GABRA4: variants seen among roughly 807,000 people sequenced by gnomAD.
GABRA4 encodes gamma-aminobutyric acid receptor subunit alpha-4.
A neutral mutation model predicts 49.7 loss-of-function variants in GABRA4; 12 were observed. The observed-to-expected ratio is 0.24, with a 90% CI of 0.15 to 0.39. GABRA4 has a LOEUF of 0.39. GABRA4 is among the 10% of genes least tolerant of loss of function. The pLI is 1.00. For missense variants in GABRA4, 506 were observed against 686.0 expected (o/e 0.74, Z 2.93); for synonymous variants, 288 against 240.2 (o/e 1.20, Z -1.84).
intron 8 of GABRA4, among the ~76,000 whole-genome samples, chr4:46,954,258 G>A (rs1241191939): frequency 6.6e-6 from 1 of 151,970 alleles, no homozygotes; most frequent in African/African-American, 2.4e-5. Context: ...TTGTACTAAA[G>A]TAAGCACTTG....
At position 46,969,109 on chromosome 4, in the gene GABRA4, T is replaced by C. The variant is rs565326547; in HGVS notation, c.874+1974A>G. Among the ~76,000 whole-genome samples, 10 of 151,706 alleles carry C rather than the reference T, an allele frequency of 6.6e-5. No individual in the cohort carries two copies. In the South Asian group the frequency reaches 1.9e-3, roughly 28 times the overall value. On this transcript the variant is annotated intron_variant, in intron 7 of 8. Transcript: ENST00000264318. The stretch of plus-strand genomic sequence containing the variant: ...TGAGGAAGCTGGCAAATGTAACTTA[T>C]TGAAGGTCCACAGCTAATAAGTGAT...
At chr4:46,948,896 T>A (rs7666667) in intron 8 of GABRA4, among the ~76,000 whole-genome samples, 2 of 152,020 alleles carry the variant, frequency 1.3e-5, no homozygotes, top group South Asian at 2.1e-4. Context: ...TTTATCCTAC[T>A]TGCTTCAGCC....
intron 8 of GABRA4, among the ~76,000 whole-genome samples, chr4:46,935,345 AAT>A (rs1721570079): frequency 6.6e-6 from 1 of 152,192 alleles, no homozygotes; most frequent in Non-Finnish European, 1.5e-5. Context: ...CCTCCTAATA[AAT>A]ATATAAGATA....
intron 7 of GABRA4, among the ~76,000 whole-genome samples, chr4:46,967,080 A>C (rs1722789257): frequency 6.6e-6 from 1 of 151,726 alleles, no homozygotes; most frequent in Non-Finnish European, 1.5e-5. Context: ...TTGACAATAG[A>C]TGAAAATGTT....
intron 8 of GABRA4, among the ~76,000 whole-genome samples, chr4:46,934,064 A>G (rs1245108523): frequency 1.3e-5 from 2 of 152,182 alleles, no homozygotes; most frequent in Non-Finnish European, 2.9e-5. Flanking sequence ...TAAAGTGACT[A>G]AGATTAGGTC....
chr4:46,978,724 GAAAGA>G (rs1723241304), intron 3 of GABRA4, among the ~76,000 whole-genome samples: 1 of 102,472 alleles, frequency 9.8e-6, no homozygotes, highest in Non-Finnish European at 2.1e-5. Flanking sequence ...GAAAAAGAAA[GAAAGA>G]AAAGAAAAGT....
intron 2 of GABRA4, among the ~76,000 whole-genome samples, chr4:46,986,362 C>T (rs1002146569): frequency 6.6e-6 from 1 of 152,008 alleles, no homozygotes; most frequent in African/African-American, 2.4e-5. Context: ...ATTTTAAGTT[C>T]TTATCTTACT....
chr4:46,974,164 A>C (rs1577784816), intron 6 of GABRA4, 68 bp downstream of exon 6: 13 of 1,488,400 alleles, frequency 8.7e-6, no homozygotes, highest in Non-Finnish European at 1.2e-5. Context: ...ATTTCAATGA[A>C]AAAGTCAGGA....
intron 2 of GABRA4, among the ~76,000 whole-genome samples, chr4:46,985,663 A>T (rs1723507486): frequency 1.3e-5 from 2 of 152,172 alleles, no homozygotes; most frequent in South Asian, 4.1e-4. Context: ...ATATCCACCA[A>T]TTTTCTAATA....
intron 7 of GABRA4, 25 bp downstream of exon 7, chr4:46,971,058 C>T (rs769554035): frequency 1.9e-6 from 3 of 1,592,260 alleles, no homozygotes; most frequent in South Asian, 2.3e-5. Flanking sequence ...TGAACAAAAA[C>T]GCCCAAGAAA....
chr4:46,984,505 A>C (rs1250337017), intron 2 of GABRA4, among the ~76,000 whole-genome samples: 1 of 152,092 alleles, frequency 6.6e-6, no homozygotes, highest in Non-Finnish European at 1.5e-5. Flanking sequence ...GTCATTAAAG[A>C]TTAGTGCCTC....
At chr4:46,958,408 A>G (rs1277082368) in intron 8 of GABRA4, among the ~76,000 whole-genome samples, 1 of 151,976 alleles carries the variant, frequency 6.6e-6, no homozygotes, top group Non-Finnish European at 1.5e-5. Flanking sequence ...ACTAAAGAAT[A>G]TACGATTGAA....
chr4:46,954,482 G>T (rs976917782), intron 8 of GABRA4, among the ~76,000 whole-genome samples: 1 of 151,754 alleles, frequency 6.6e-6, no homozygotes, highest in East Asian at 1.9e-4. Flanking sequence ...ACTTGAATCC[G>T]GGAGGTGGAG....
chr4:46,921,644 C>A lies in GABRA4; in HGVS notation c.*6581G>T, dbSNP rs953812462. 2.0e-5 allele frequency: 3 copies of A among 151,794 alleles called. No individual in the cohort carries two copies. The highest frequency in any genetic ancestry group is 2.0e-4 in the Admixed American group (3 of 15,212). The allele number at this position is 151,794 out of a possible 1,614,324, so 9.4% of individuals were successfully genotyped here. On this transcript the variant is annotated 3_prime_UTR_variant, in exon 9 of 9. Transcript: ENST00000264318. ...GTAAAAGCCATGTAGCTCTGGTGGTCATATCAGTAAAAGATACTCTGGTCA... is the reference window on the plus strand; with the variant it reads ...GTAAAAGCCATGTAGCTCTGGTGGTAATATCAGTAAAAGATACTCTGGTCA...
At chr4:46,933,670 T>C (rs549121935) in intron 8 of GABRA4, among the ~76,000 whole-genome samples, 3 of 152,286 alleles carry the variant, frequency 2.0e-5, no homozygotes, top group Admixed American at 2.0e-4. Flanking sequence ...GGGAAGAATA[T>C]TCACCCAGCT....
At chr4:46,929,437 A>G (rs1721351000) in intron 8 of GABRA4, among the ~76,000 whole-genome samples, 2 of 152,106 alleles carry the variant, frequency 1.3e-5, no homozygotes, top group African/African-American at 4.8e-5. Flanking sequence ...TATAAACAGC[A>G]TCAACCAACA....
intron 2 of GABRA4, among the ~76,000 whole-genome samples, chr4:46,986,626 C>A (rs1214724319): frequency 2.0e-5 from 3 of 152,014 alleles, no homozygotes; most frequent in African/African-American, 2.4e-5. Context: ...CCCCTGTAAT[C>A]TTTTTAGATT....
rs1352896505 is a variant in GABRA4 at position 46,993,436 on chromosome 4, G to T, written c.-12C>A. ...TTGGCAGAAACCATCTTTGCAACAT[G>T]CCATACTTCAAGCCTGTTCACGTTT... On this transcript the variant is annotated 5_prime_UTR_variant, in exon 1 of 9. Transcript: ENST00000264318. 6.2e-7 allele frequency: 1 copy of T among 1,613,726 alleles called. No homozygotes were observed. Among genetic ancestry groups the T allele is most frequent in the Non-Finnish European group, 8.5e-7 (1 of 1,179,754 alleles).
intron 5 of GABRA4, among the ~76,000 whole-genome samples, chr4:46,975,103 C>A (rs1167186894): frequency 1.3e-5 from 2 of 151,960 alleles, no homozygotes. Context: ...TGGAGAACAG[C>A]TGCTTGCTTA....
Sources: gnomAD v4.1 joint callset for allele counts (sites outside exome capture counted in the v4.1 genomes callset) on GRCh38, gnomAD v4.1.1 for gene constraint, MANE v1.5 for transcripts, NCBI Gene and HGNC (gene_info 2026-07-23, HGNC 2026-07-21) for gene names.